The following FOXD4 variants were observed in gnomAD, a reference collection of about 807,000 sequenced individuals.
The protein encoded by FOXD4 is forkhead box D4.
Under a neutral mutation model 26.5 loss-of-function variants are expected in FOXD4, and 22 were observed. That is an observed-to-expected ratio of 0.83 (90% CI 0.59 to 1.18). The LOEUF (loss-of-function observed/expected upper bound fraction) is 1.18. Among genes scored for constraint, FOXD4 ranks in the 50% most tolerant of loss-of-function variants. FOXD4 has a pLI of 0.00. For synonymous variants in FOXD4, 258 were observed against 273.7 expected (o/e 0.94, Z 0.57); for missense variants, 625 against 605.8 (o/e 1.03, Z -0.33).
rs1459452351 is a variant in FOXD4 at position 117,813 on chromosome 9, C to T, written c.307G>A (p.Ala103Thr). 1.9e-6 allele frequency: 3 copies of T among 1,612,862 alleles called. No homozygotes were observed. The East Asian group carries it at 6.7e-5, about 36-fold the overall frequency. ...GCGATGTACGAGGAGGGGGGCTTTG[C>T]CGGCTGCCGGGCATCTTCAGAGGCC... ...AAASEDARQPAKPPSSYIALI... is the reference protein window; with the variant it reads ...AAASEDARQPTKPPSSYIALI... Residue 103 changes from alanine to threonine, a missense_variant, in exon 1 of 1, where the codon GCA becomes ACA. Transcript: ENST00000382500.
rs745738047 is a variant in FOXD4, at chr9:117,379, G to T, written c.741C>A (p.Pro247=). ...AAGGGCGTCTCCCGGGGCCGGTGTT[G>T]GGGTAGGCCCCCGGGACTGGCTGCG... is the stretch of plus-strand genomic sequence containing the variant. ...APPQPVPGAY[P]NTGPGRRPYA... Residue 247 remains proline (P), a synonymous_variant, in exon 1 of 1, where the codon CCC becomes CCA. Transcript: ENST00000382500. 3 of 1,589,926 alleles carry T rather than the reference G, an allele frequency of 1.9e-6. No individual in the cohort carries two copies. The highest frequency in any genetic ancestry group is 2.6e-6 in the Non-Finnish European group (3 of 1,174,122).
rs569254757 is a variant in FOXD4 at position 118,033 on chromosome 9, G to A, written c.87C>T (p.Val29=). The stretch of plus-strand genomic sequence containing the variant: ...CGTCTTCATCTTCCTCCTCTCCCAG[G>A]ACATCGATTTTACCGTCTTCCCCAT... The part of the protein sequence containing the change: ...DSDGEDGKID[V]LGEEEDEDEE... The change falls in exon 1 of 1, where the codon GTC becomes GTT. Residue 29 remains valine (V), a synonymous_variant. Transcript: ENST00000382500. The A allele has an allele frequency of 1.2e-6, 2 of 1,611,996 alleles. No homozygotes were observed. The highest frequency in any genetic ancestry group is 1.7e-5 in the Admixed American group (1 of 60,022).
rs2130627519 is a variant in FOXD4, at chr9:118,183, A to G, written c.-64T>C. ...CGGATCACCTGGCCCCGGCGGGCTGAGCTGGAAGCCCGGGATGAATGTTGC... is the reference window on the plus strand; with the variant it reads ...CGGATCACCTGGCCCCGGCGGGCTGGGCTGGAAGCCCGGGATGAATGTTGC... On this transcript the variant is annotated 5_prime_UTR_variant, in exon 1 of 1. Coordinates refer to ENST00000382500, the MANE Select transcript of FOXD4 (RefSeq NM_207305.5). 6 of 1,610,932 alleles carry G rather than the reference A, an allele frequency of 3.7e-6. No homozygotes were observed. The highest frequency in any genetic ancestry group is 4.2e-6 in the Non-Finnish European group (5 of 1,179,542).
rs1199097483 is a variant in FOXD4, at chr9:117,556, G to C, written c.564C>G (p.Phe188Leu). ...TACGCCGGAGAAAGCTGCCATTGTC[G>C]AACATGTCCTGGGAGGCGGGGTCCA... ...WSLDPASQDM[F>L]DNGSFLRRRK... is the part of the protein sequence containing the mutation. Residue 188 changes from phenylalanine to leucine, a missense_variant, in exon 1 of 1, where the codon TTC becomes TTG. Coordinates refer to ENST00000382500, the MANE Select transcript of FOXD4 (RefSeq NM_207305.5). 2 of 1,613,258 alleles carry C rather than the reference G, an allele frequency of 1.2e-6. No individual in the cohort carries two copies. The highest frequency in any genetic ancestry group is 1.7e-6 in the Non-Finnish European group (2 of 1,180,042).
In FOXD4 at chr9:116,782, C is replaced by G; in HGVS notation, c.*18G>C. On this transcript the variant is annotated 3_prime_UTR_variant, in exon 1 of 1. Coordinates refer to ENST00000382500, the MANE Select transcript of FOXD4 (RefSeq NM_207305.5). Reference sequence around the variant, plus strand: ...GTGGAGTGAGCAGCTGCGGGTCGCTCCCCACTCCCACCTGGCTCTAGGAGG... The same window carrying G: ...GTGGAGTGAGCAGCTGCGGGTCGCTGCCCACTCCCACCTGGCTCTAGGAGG... The G allele has an allele frequency of 3.8e-6, 6 of 1,578,594 alleles. No homozygotes were observed. Among genetic ancestry groups the G allele is most frequent in the Non-Finnish European group, 5.2e-6 (6 of 1,162,946 alleles).
In FOXD4 at chr9:117,594, T is replaced by C. The variant is rs753277744; in HGVS notation, c.526A>G (p.Asn176Asp). ...PREPGRPGKG[N>D]YWSLDPASQD... The stretch of plus-strand genomic sequence containing the variant: ...GAGGCGGGGTCCAGGCTCCAGTAGT[T>C]GCCCTTGCCTGGGCGGCCCGGCTCG... Residue 176 changes from asparagine to aspartate, a missense_variant, in exon 1 of 1, where the codon AAC (asparagine) becomes GAC (aspartate). Asn to Asp is a conservative substitution (Grantham distance 23). Transcript: ENST00000382500. 6.2e-7 allele frequency: 1 copy of C among 1,613,852 alleles called. No individual in the cohort carries two copies. The highest frequency in any genetic ancestry group is 1.1e-5 in the South Asian group (1 of 91,062).
In FOXD4 at chr9:116,908, G is replaced by A. The variant is rs776891882; in HGVS notation, c.1212C>T (p.Gly404=). The A allele has an allele frequency of 6.2e-7, 1 of 1,611,122 alleles. No individual in the cohort carries two copies. Among genetic ancestry groups the A allele is most frequent in the African/African-American group, 1.3e-5 (1 of 74,966 alleles). Residue 404 remains glycine (G), a synonymous_variant, in exon 1 of 1, where the codon GGC becomes GGT. Transcript: ENST00000382500. ...GGGCGGCCAGCGATGTCAGCCCAGAGCCCTCTGCCACCGCCTGATACCGCA... is the reference window on the plus strand; with the variant it reads ...GGGCGGCCAGCGATGTCAGCCCAGAACCCTCTGCCACCGCCTGATACCGCA... The part of the protein sequence containing the change: ...ALLRYQAVAE[G]SGLTSLAAPL...
In FOXD4 at chr9:117,479, G is replaced by C. The variant is rs756487164; in HGVS notation, c.641C>G (p.Pro214Arg). The C allele has an allele frequency of 5.6e-6, 9 of 1,608,552 alleles. No homozygotes were observed. The highest frequency in any genetic ancestry group is 1.3e-5 in the African/African-American group (1 of 74,816). ...QPTPGAHLPHPFPLPAAHAAL... is the reference protein window; with the variant it reads ...QPTPGAHLPHRFPLPAAHAAL... ...GGCGTGTGCAGCAGGTAGAGGGAAG[G>C]GGTGGGGCAGGTGGGCTCCCGGGGT... Residue 214 changes from proline to arginine, a missense_variant, in exon 1 of 1, where the codon CCC becomes CGC. Transcript: ENST00000382500.
rs755657253 is a variant in FOXD4, at chr9:117,240, A to C, written c.880T>G (p.Cys294Gly). The change falls in exon 1 of 1, where the codon TGC (cysteine) becomes GGC (glycine). Residue 294 changes from cysteine to glycine, a missense_variant. By Grantham distance (159) the Cys-to-Gly change is radical. Around this residue, in one of 3 missense-constraint regions of FOXD4, gnomAD observed 92 missense variants for 144.2 expected, o/e 0.64. Transcript: ENST00000382500. ...ADLATPAPFP[C>G]CSPHLVLSLG... ...CTGAGGACCAAGTGAGGGCTGCAGCACGGGAAGGGTGCCGGGGTCGCCAGG... is the reference window on the plus strand; with the variant it reads ...CTGAGGACCAAGTGAGGGCTGCAGCCCGGGAAGGGTGCCGGGGTCGCCAGG... The C allele has an allele frequency of 1.6e-5, 26 of 1,609,398 alleles. No homozygotes were observed. Among genetic ancestry groups the C allele is most frequent in the South Asian group, 8.8e-5 (8 of 90,970 alleles).
Position 116,655 on chromosome 9 carries a change from C to T in FOXD4, c.*145G>A, listed in dbSNP as rs1337486163. The T allele has an allele frequency of 9.0e-6, 12 of 1,334,096 alleles. No homozygotes were observed. The South Asian group carries it at 1.2e-4, about 13-fold the overall frequency. The allele number at this position is 1,334,096 out of a possible 1,614,324, so 82.6% of individuals were successfully genotyped here. A position where few individuals can be genotyped will look rare whatever the true frequency, so the allele number is the denominator to read the frequency against. ...TACGTTCAGGTGGTTTTTAGAGGAA[C>T]GTAATCCAGCTGTTTCTTTCTAACC... On this transcript the variant is annotated 3_prime_UTR_variant, in exon 1 of 1. Coordinates refer to ENST00000382500, the MANE Select transcript of FOXD4 (RefSeq NM_207305.5).
chr9:117,611 C>T lies in FOXD4; in HGVS notation c.509G>A (p.Gly170Asp). The change falls in exon 1 of 1, where the codon GGC becomes GAC. Residue 170 changes from glycine to aspartate, a missense_variant. Around this residue, in one of 3 missense-constraint regions of FOXD4, gnomAD observed 399 missense variants for 329.4 expected, o/e 1.21. Coordinates refer to ENST00000382500, the MANE Select transcript of FOXD4 (RefSeq NM_207305.5). ...DCFVKIPREP[G>D]RPGKGNYWSL... Reference sequence around the variant, plus strand: ...CCAGTAGTTGCCCTTGCCTGGGCGGCCCGGCTCGCGGGGGATCTTGACGAA... The same window carrying T: ...CCAGTAGTTGCCCTTGCCTGGGCGGTCCGGCTCGCGGGGGATCTTGACGAA... The T allele has an allele frequency of 6.2e-7, 1 of 1,613,932 alleles. No individual in the cohort carries two copies. The highest frequency in any genetic ancestry group is 8.5e-7 in the Non-Finnish European group (1 of 1,180,044).
At position 117,985 on chromosome 9, in the gene FOXD4, C is replaced by A. The variant is rs1012009045; in HGVS notation, c.135G>T (p.Gln45His). The change falls in exon 1 of 1, where the codon CAG becomes CAT. Residue 45 changes from glutamine (Q) to histidine (H), a missense_variant. Gln to His is a conservative substitution (Grantham distance 24). Coordinates refer to ENST00000382500, the MANE Select transcript of FOXD4 (RefSeq NM_207305.5). ...CCGGCTGGAGCGACTGCTCTAGGAA[C>A]TGCTGGCTCGCCGCCTCCTCCTCGT... ...DEDEEEAASQ[Q>H]FLEQSLQPGL... is the part of the protein sequence containing the mutation. 2 of 1,611,902 alleles carry A rather than the reference C, an allele frequency of 1.2e-6. No individual in the cohort carries two copies. The highest frequency in any genetic ancestry group is 1.3e-5 in the African/African-American group (1 of 74,858).
Position 117,370 on chromosome 9 carries a change from G to C in FOXD4, c.750C>G (p.Gly250=). 1 of 1,581,746 alleles carries C rather than the reference G, an allele frequency of 6.3e-7. No homozygotes were observed. Among genetic ancestry groups the C allele is most frequent in the Admixed American group, 1.7e-5 (1 of 59,272 alleles). The change falls in exon 1 of 1, where the codon GGC becomes GGG. Residue 250 remains glycine (G), a synonymous_variant. Coordinates refer to ENST00000382500, the MANE Select transcript of FOXD4 (RefSeq NM_207305.5). ...QPVPGAYPNT[G]PGRRPYALLH... Reference sequence around the variant, plus strand: ...GCAGAGCGTAAGGGCGTCTCCCGGGGCCGGTGTTGGGGTAGGCCCCCGGGA... The same window carrying C: ...GCAGAGCGTAAGGGCGTCTCCCGGGCCCGGTGTTGGGGTAGGCCCCCGGGA...
rs756487164 is a variant in FOXD4 at position 117,479 on chromosome 9, G to T, written c.641C>A (p.Pro214His). Reference sequence around the variant, plus strand: ...GGCGTGTGCAGCAGGTAGAGGGAAGGGGTGGGGCAGGTGGGCTCCCGGGGT... The same window carrying T: ...GGCGTGTGCAGCAGGTAGAGGGAAGTGGTGGGGCAGGTGGGCTCCCGGGGT... ...QPTPGAHLPH[P>H]FPLPAAHAAL... The change falls in exon 1 of 1, where the codon CCC becomes CAC. Residue 214 changes from proline to histidine, a missense_variant. Transcript: ENST00000382500. 6.2e-7 allele frequency: 1 copy of T among 1,608,670 alleles called. No individual in the cohort carries two copies. Among genetic ancestry groups the T allele is most frequent in the Non-Finnish European group, 8.5e-7 (1 of 1,179,718 alleles).
In FOXD4 at chr9:117,982, G is replaced by A; in HGVS notation, c.138C>T (p.Phe46=). The change falls in exon 1 of 1, where the codon TTC becomes TTT. Residue 46 remains phenylalanine (F), a synonymous_variant. Transcript: ENST00000382500. The part of the protein sequence containing the change: ...EDEEEAASQQ[F]LEQSLQPGLQ... ...GCCCCGGCTGGAGCGACTGCTCTAGGAACTGCTGGCTCGCCGCCTCCTCCT... is the reference window on the plus strand; with the variant it reads ...GCCCCGGCTGGAGCGACTGCTCTAGAAACTGCTGGCTCGCCGCCTCCTCCT... 4 of 1,612,010 alleles carry A rather than the reference G, an allele frequency of 2.5e-6. No homozygotes were observed. Among genetic ancestry groups the A allele is most frequent in the Non-Finnish European group, 3.4e-6 (4 of 1,179,838 alleles).
At chr9:118,029 C>A in the FOXD4 span, 3 of 1,611,890 alleles carry the variant, frequency 1.9e-6, no homozygotes, top group South Asian at 3.3e-5. Context: ...TCCTCCTCTC[C>A]CAGGACATCG....
rs1268897863 is a variant in FOXD4 at position 118,360 on chromosome 9, T to TC, written c.-242dup. Among the ~76,000 whole-genome samples, 1 of 149,790 alleles carries TC rather than the reference T, an allele frequency of 6.7e-6. No individual in the cohort carries two copies. The highest frequency in any genetic ancestry group is 1.5e-5 in the Non-Finnish European group (1 of 67,244). On this transcript the variant is annotated 5_prime_UTR_variant, in exon 1 of 1. Transcript: ENST00000382500. ...GGACGCCTCCCTTTATAACCCTTCT[T>TC]CCCCTACCTCGGAGCGGTGCCACTT...
rs528874495 is a variant in FOXD4 at position 116,837 on chromosome 9, G to C, written c.1283C>G (p.Thr428Arg). The C allele has an allele frequency of 6.2e-7, 1 of 1,606,972 alleles. No individual in the cohort carries two copies. The highest frequency in any genetic ancestry group is 8.5e-7 in the Non-Finnish European group (1 of 1,177,204). ...GTSPVFLVSP[T>R]PSSLAESAGP... ...TGCGGACTCGGCCAGGGAACTGGGC[G>C]TGGGCGATACTAAAAAAACTGGTGA... Residue 428 changes from threonine (T) to arginine (R), a missense_variant, in exon 1 of 1, where the codon ACG becomes AGG. By Grantham distance (71) the Thr-to-Arg change is moderately conservative. Transcript: ENST00000382500.
At position 116,975 on chromosome 9, in the gene FOXD4, C is replaced by G. The variant is rs1396387253; in HGVS notation, c.1145G>C (p.Gly382Ala). The change falls in exon 1 of 1, where the codon GGC becomes GCC. Residue 382 changes from glycine (G) to alanine (A), a missense_variant. Physicochemically the swap from Gly to Ala is moderately conservative, Grantham distance 60. Around this residue, in one of 3 missense-constraint regions of FOXD4, gnomAD observed 134 missense variants for 132.2 expected, o/e 1.01. Transcript: ENST00000382500. ...CGACAGGTGCCCGCCCAGCACCGCG[C>G]CCTTGGTGGGAGCGCAGCCGTTGGC... is the stretch of plus-strand genomic sequence containing the variant. ...DCANGCAPTK[G>A]AVLGGHLSAA... The G allele has an allele frequency of 1.5e-5, 24 of 1,611,850 alleles. No individual in the cohort carries two copies. The highest frequency in any genetic ancestry group is 1.9e-5 in the Non-Finnish European group (23 of 1,179,812).
Sources: allele counts gnomAD v4.1 joint callset (sites outside exome capture counted in the v4.1 genomes callset), GRCh38; gene constraint gnomAD v4.1.1; regional missense constraint gnomAD v4.1.1; transcripts MANE v1.5; gene names NCBI Gene and HGNC (gene_info 2026-07-23, HGNC 2026-07-21).